Variants in STPG2 observed in about 807,000 individuals in gnomAD.
STPG2 encodes sperm-tail PG-rich repeat-containing protein 2.
Under a neutral mutation model 54.2 loss-of-function variants are expected in STPG2, and 56 were observed. The observed-to-expected ratio is 1.03, with a 90% CI of 0.83 to 1.29. The LOEUF (loss-of-function observed/expected upper bound fraction) is 1.29. Among genes scored for constraint, STPG2 ranks in the 50% most tolerant of loss-of-function variants. The pLI is 0.00. For missense variants in STPG2, 596 were observed against 544.9 expected (o/e 1.09, Z -0.93); for synonymous variants, 200 against 181.8 (o/e 1.10, Z -0.81).
chr4:98,012,143 G>T (rs1297910754), intron 5 of STPG2, among the ~76,000 whole-genome samples: 4 of 138,550 alleles, frequency 2.9e-5, no homozygotes, highest in Admixed American at 2.8e-4. Context: ...ATGCATAAGG[G>T]GTCCAGTTTC....
chr4:97,713,048 A>C (rs1161757927), intron 9 of STPG2, among the ~76,000 whole-genome samples: 1 of 152,188 alleles, frequency 6.6e-6, no homozygotes, highest in East Asian at 1.9e-4. Flanking sequence ...TAATTTCCAA[A>C]AAGGAGAAAA....
intron 9 of STPG2, among the ~76,000 whole-genome samples, chr4:97,820,462 G>A (rs1052710411): frequency 2.6e-5 from 4 of 152,136 alleles, no homozygotes; most frequent in Non-Finnish European, 4.4e-5. Context: ...AAGCAAAAAC[G>A]ACAGTAGCTA....
intron 10 of STPG2, among the ~76,000 whole-genome samples, chr4:97,623,700 G>A (rs1734071228): frequency 1.3e-5 from 2 of 152,116 alleles, no homozygotes; most frequent in South Asian, 4.1e-4. Flanking sequence ...AGGTAAAAAT[G>A]TGCCATAGTG....
intron 5 of STPG2, among the ~76,000 whole-genome samples, chr4:98,101,428 C>G (rs576166806): frequency 6.2e-4 from 95 of 152,060 alleles, no homozygotes; most frequent in Non-Finnish European, 1.2e-3. Context: ...CCTAAGTTTT[C>G]TACTTGCCCA....
intron 10 of STPG2, among the ~76,000 whole-genome samples, chr4:97,640,373 T>A (rs1721725006): frequency 6.6e-6 from 1 of 151,966 alleles, no homozygotes; most frequent in Admixed American, 6.6e-5. Context: ...AGTTTGAAAA[T>A]AACCTAACTT....
intron 7 of STPG2, among the ~76,000 whole-genome samples, chr4:97,969,611 A>G (rs965191212): frequency 1.3e-5 from 2 of 152,156 alleles, no homozygotes; most frequent in African/African-American, 4.8e-5. Flanking sequence ...CAGATCCCGC[A>G]ATATTCATGT....
chr4:98,011,532 C>G (rs1223762755), intron 5 of STPG2, among the ~76,000 whole-genome samples: 2 of 152,140 alleles, frequency 1.3e-5, no homozygotes, highest in African/African-American at 2.4e-5. Context: ...TGAGGAATTG[C>G]CACACTGTCT....
intron 10 of STPG2, among the ~76,000 whole-genome samples, chr4:97,665,879 G>A (rs1211370052): frequency 7.9e-5 from 12 of 152,192 alleles, no homozygotes. Flanking sequence ...CAGCTGGAGT[G>A]AGACAGTGCC....
intron 10 of STPG2, among the ~76,000 whole-genome samples, chr4:97,575,716 A>G (rs1225462294): frequency 6.6e-6 from 1 of 152,180 alleles, no homozygotes; most frequent in Middle Eastern, 3.4e-3. Flanking sequence ...AGAAAAGGAT[A>G]CCCACTCTCA....
At chr4:97,576,137 C>A (rs879476398) in intron 10 of STPG2, among the ~76,000 whole-genome samples, 2 of 152,010 alleles carry the variant, frequency 1.3e-5, no homozygotes, top group Non-Finnish European at 2.9e-5. Flanking sequence ...GAAAAACAAT[C>A]CATGCTCATG....
chr4:97,468,456 C>T (rs554261337), intron 4 of STPG2, among the ~76,000 whole-genome samples: 5 of 152,044 alleles, frequency 3.3e-5, no homozygotes, highest in East Asian at 3.9e-4. Flanking sequence ...CTATAACTGA[C>T]GTCACCTAAA....
At chr4:97,441,901 C>A (rs184807232) in intron 4 of STPG2, among the ~76,000 whole-genome samples, 2 of 151,840 alleles carry the variant, frequency 1.3e-5, no homozygotes, top group African/African-American at 4.8e-5. Context: ...AATCAAATAA[C>A]CTGTTAAAAC....
At chr4:97,854,468 T>G (rs1247871823) in intron 8 of STPG2, among the ~76,000 whole-genome samples, 4 of 148,390 alleles carry the variant, frequency 2.7e-5, no homozygotes, top group Non-Finnish European at 5.9e-5. Flanking sequence ...TATAATATAA[T>G]GTATCATATA....
chr4:97,904,665 T>C (rs533456561), intron 8 of STPG2, among the ~76,000 whole-genome samples: 138 of 152,236 alleles, frequency 9.1e-4, no homozygotes, highest in African/African-American at 3.2e-3. Flanking sequence ...CTCCGAGCTA[T>C]GGGAGGACAT....
intron 4 of STPG2, among the ~76,000 whole-genome samples, chr4:97,480,516 T>C (rs1023779831): frequency 2.0e-5 from 3 of 151,536 alleles, no homozygotes; most frequent in African/African-American, 2.4e-5. Context: ...AAAAAACATA[T>C]TGGTCTCTAG....
chr4:97,816,472 G>A (rs900246456), intron 9 of STPG2, among the ~76,000 whole-genome samples: 3 of 152,142 alleles, frequency 2.0e-5, no homozygotes, highest in African/African-American at 7.2e-5. Flanking sequence ...TTCCACAATG[G>A]TTGAGCAAAT....
At chr4:98,004,152 C>T (rs1735502449) in intron 5 of STPG2, among the ~76,000 whole-genome samples, 2 of 152,090 alleles carry the variant, frequency 1.3e-5, no homozygotes, top group African/African-American at 4.8e-5. Context: ...TCCTTTGACC[C>T]ATATTCTCCA....
intron 4 of STPG2, among the ~76,000 whole-genome samples, chr4:97,551,061 C>T (rs1015562283): frequency 6.6e-6 from 1 of 152,106 alleles, no homozygotes; most frequent in African/African-American, 2.4e-5. Flanking sequence ...GCTTTTATTC[C>T]CTTATTTGGC....
intron 5 of STPG2, among the ~76,000 whole-genome samples, chr4:98,057,086 C>A (rs1307600887): frequency 6.6e-6 from 1 of 152,040 alleles, no homozygotes; most frequent in Non-Finnish European, 1.5e-5. Flanking sequence ...GTAGGTAAGC[C>A]CACAAAGATG....
Sources: allele counts gnomAD v4.1 joint callset (sites outside exome capture counted in the v4.1 genomes callset), GRCh38; gene constraint gnomAD v4.1.1; transcripts MANE v1.5; gene names NCBI Gene and HGNC (gene_info 2026-07-23, HGNC 2026-07-21).